The following RAPGEF2 variants were observed in gnomAD, a reference collection of about 807,000 sequenced individuals.
RAPGEF2 encodes the protein Rap guanine nucleotide exchange factor 2.
Under a neutral mutation model 186.7 loss-of-function variants are expected in RAPGEF2, and 54 were observed. The observed-to-expected ratio is 0.29, with a 90% CI of 0.23 to 0.36. RAPGEF2 has a LOEUF of 0.36. Ranked by LOEUF, RAPGEF2 falls within the 10% of genes least tolerant of loss-of-function variation. The pLI is 1.00. For missense variants in RAPGEF2, 1,532 were observed against 2,045.0 expected (o/e 0.75, Z 4.84); for synonymous variants, 712 against 705.9 (o/e 1.01, Z -0.14).
rs56053207 is a variant in RAPGEF2 at position 159,247,755 on chromosome 4, CTTTTTTTT to C, written c.543+3982_543+3989del. Among the ~76,000 whole-genome samples, 126 of 83,464 alleles carry C rather than the reference CTTTTTTTT, an allele frequency of 1.5e-3. 2 individuals carry two copies. Among genetic ancestry groups the C allele is most frequent in the Non-Finnish European group, 1.1e-3 (51 of 45,616 alleles). 54.8% of individuals were successfully genotyped at this position (83,464 alleles called of 152,430 possible). On this transcript the variant is annotated intron_variant, in intron 7 of 29. Transcript: ENST00000691494. ...AGAAGAAAGTAGAAATAATTTGTTTCTTTTTTTTTTTTTTTTTTTTTTTTTGAGGCAGA... is the reference window on the plus strand; with the variant it reads ...AGAAGAAAGTAGAAATAATTTGTTTCTTTTTTTTTTTTTTTTTGAGGCAGA...
intron 1 of RAPGEF2, among the ~76,000 whole-genome samples, chr4:159,167,330 CT>C (rs1301868900): frequency 6.6e-6 from 1 of 152,074 alleles, no homozygotes; most frequent in Non-Finnish European, 1.5e-5. Context: ...CAAATGGTAA[CT>C]AATCAGCTGG....
intron 7 of RAPGEF2, among the ~76,000 whole-genome samples, chr4:159,279,429 C>T (rs897740720): frequency 3.3e-5 from 5 of 152,136 alleles, no homozygotes; most frequent in African/African-American, 1.2e-4. Context: ...AGAAAGTCCT[C>T]GAACAGTTTA....
intron 7 of RAPGEF2, among the ~76,000 whole-genome samples, chr4:159,282,831 G>T (rs1168473459): frequency 6.6e-6 from 1 of 152,102 alleles, no homozygotes; most frequent in Non-Finnish European, 1.5e-5. Flanking sequence ...GTGATTCAAG[G>T]ATTTAAAATA....
At chr4:159,270,056 A>G (rs1220115445) in intron 7 of RAPGEF2, among the ~76,000 whole-genome samples, 1 of 152,236 alleles carries the variant, frequency 6.6e-6, no homozygotes, top group Admixed American at 6.5e-5. Flanking sequence ...AACACTAGTG[A>G]TAAAATAACT....
intron 1 of RAPGEF2, among the ~76,000 whole-genome samples, chr4:159,148,152 T>G (rs1743141815): frequency 6.6e-6 from 1 of 152,172 alleles, no homozygotes; most frequent in Non-Finnish European, 1.5e-5. Context: ...TATCAAAAAT[T>G]ATTACTGTTG....
At position 159,305,726 on chromosome 4, in the gene RAPGEF2, T is replaced by TA. The variant is rs531843959; in HGVS notation, c.675+1254dup. The stretch of plus-strand genomic sequence containing the variant: ...TTTGTTGCCTGTGCTTTTGAGGTCT[T>TA]ACTCCTGAATTATTTGCGTAGACCA... On this transcript the variant is annotated intron_variant, in intron 8 of 29. Coordinates refer to ENST00000691494, the MANE Select transcript of RAPGEF2 (RefSeq NM_001394067.2). Among the ~76,000 whole-genome samples, 278 of 152,274 alleles carry TA rather than the reference T, an allele frequency of 1.8e-3. 1 individual carries two copies. The highest frequency in any genetic ancestry group is 3.4e-3 in the Non-Finnish European group (228 of 67,998).
chr4:159,107,712 T>G (rs1253830540), intron 1 of RAPGEF2, among the ~76,000 whole-genome samples: 2 of 152,178 alleles, frequency 1.3e-5, no homozygotes, highest in Non-Finnish European at 2.9e-5. Flanking sequence ...TTGGTAGAAT[T>G]CATCGTGAGT....
At chr4:159,203,643 GAAA>G (rs1012696643) in intron 3 of RAPGEF2, among the ~76,000 whole-genome samples, 1 of 151,232 alleles carries the variant, frequency 6.6e-6, no homozygotes, top group Non-Finnish European at 1.5e-5. Flanking sequence ...GGCATAGGTG[GAAA>G]AAAAAATGTG....
intron 17 of RAPGEF2, among the ~76,000 whole-genome samples, chr4:159,333,066 G>A (rs1766916720): frequency 6.6e-6 from 1 of 152,040 alleles, no homozygotes; most frequent in Admixed American, 6.6e-5. Context: ...TGCAACCTGT[G>A]CCGCCCAGGT....
At position 159,198,324 on chromosome 4, in the gene RAPGEF2, T is replaced by TTC. The variant is rs764905644; in HGVS notation, c.197+5070_197+5071dup. ...TTTCTTTCTTTCTTTCTTTCTTTCT[T>TTC]TCTTTCTTTCTTTTTCTTTCTCTCT... On this transcript the variant is annotated intron_variant, in intron 3 of 29. Transcript: ENST00000691494. 3.5e-3 allele frequency among the ~76,000 whole-genome samples: 228 copies of TTC among 65,278 alleles called. 2 individuals are homozygous for TTC. Among genetic ancestry groups the TTC allele is most frequent in the African/African-American group, 0.019 (181 of 9,406 alleles). The allele number at this position is 65,278 out of a possible 152,430, so 42.8% of individuals were successfully genotyped here.
chr4:159,240,257 C>T (rs1306518107), intron 5 of RAPGEF2, among the ~76,000 whole-genome samples: 1 of 151,202 alleles, frequency 6.6e-6, no homozygotes, highest in South Asian at 2.1e-4. Context: ...CCTAGACATG[C>T]CTCCATTATG....
chr4:159,326,406 C>T (rs559271413), intron 11 of RAPGEF2, among the ~76,000 whole-genome samples: 6 of 152,248 alleles, frequency 3.9e-5, no homozygotes, highest in African/African-American at 1.4e-4. Flanking sequence ...GCTATCTTTA[C>T]CAAGAAAAAA....
chr4:159,126,509 A>G (rs549664098), intron 1 of RAPGEF2, among the ~76,000 whole-genome samples: 1 of 150,418 alleles, frequency 6.6e-6, no homozygotes, highest in South Asian at 2.1e-4. Flanking sequence ...AATGTCATTT[A>G]TTCTATCTCC....
chr4:159,349,641 A>G (rs1421535249), intron 25 of RAPGEF2, among the ~76,000 whole-genome samples: 1 of 152,150 alleles, frequency 6.6e-6, no homozygotes, highest in African/African-American at 2.4e-5. Flanking sequence ...TCACTTTCCT[A>G]GTTAGCTCCT....
At chr4:159,239,467 T>C (rs1361995026) in intron 5 of RAPGEF2, among the ~76,000 whole-genome samples, 1 of 152,182 alleles carries the variant, frequency 6.6e-6, no homozygotes. Context: ...AAAAGGAAAT[T>C]TGGGGATTAT....
intron 1 of RAPGEF2, among the ~76,000 whole-genome samples, chr4:159,162,707 T>A (rs1744849353): frequency 6.6e-6 from 1 of 152,168 alleles, no homozygotes; most frequent in South Asian, 2.1e-4. Flanking sequence ...CATTGAGTTT[T>A]CAAATGGAAT....
In RAPGEF2 at chr4:159,157,033, A is replaced by C. The variant is rs77855055; in HGVS notation, c.70-29609A>C. Among the ~76,000 whole-genome samples, 717 of 152,260 alleles carry C rather than the reference A, an allele frequency of 4.7e-3. 7 individuals are homozygous for C. Among genetic ancestry groups the C allele is most frequent in the African/African-American group, 0.016 (669 of 41,532 alleles). ...AGAAGCTCAGTGACTCCAGTGCTCA[A>C]TTTAGGAACCATTTTCTCCCACTTA... On this transcript the variant is annotated intron_variant, in intron 1 of 29. Coordinates refer to ENST00000691494, the MANE Select transcript of RAPGEF2 (RefSeq NM_001394067.2).
intron 7 of RAPGEF2, among the ~76,000 whole-genome samples, chr4:159,291,790 T>G (rs1052679024): frequency 6.6e-6 from 1 of 152,106 alleles, no homozygotes; most frequent in African/African-American, 2.4e-5. Flanking sequence ...GCTGTTGTTT[T>G]TTTTTTTATG....
chr4:159,330,107 C>T (rs1766441547), intron 12 of RAPGEF2, 97 bp downstream of exon 12: 5 of 1,267,804 alleles, frequency 3.9e-6, no homozygotes, highest in Non-Finnish European at 5.4e-6. Context: ...AGGCCTATCT[C>T]TTAAAGGTTA....
Sources: gnomAD v4.1 joint callset for allele counts (sites outside exome capture counted in the v4.1 genomes callset) on GRCh38, gnomAD v4.1.1 for gene constraint, MANE v1.5 for transcripts, NCBI Gene and HGNC (gene_info 2026-07-23, HGNC 2026-07-21) for gene names.